CARMIL1: variants seen among roughly 807,000 people sequenced by gnomAD.
CARMIL1 encodes the protein F-actin-uncapping protein LRRC16A.
A neutral mutation model predicts 177.1 loss-of-function variants in CARMIL1; 90 were observed. That is an observed-to-expected ratio of 0.51 (90% CI 0.43 to 0.61). The LOEUF (loss-of-function observed/expected upper bound fraction) is 0.61, where lower values mean the gene tolerates loss of function less well. CARMIL1 is among the 20% of genes least tolerant of loss of function. The pLI is 0.00. For missense variants in CARMIL1, 1,380 were observed against 1,667.0 expected, an observed-to-expected ratio of 0.83 and a Z score of 3.00; for synonymous variants, 577 against 606.2, an observed-to-expected ratio of 0.95 and a Z score of 0.71.
chr6:25,451,858 A>T (rs1232229311), intron 8 of CARMIL1, among the ~76,000 whole-genome samples: 1 of 151,842 alleles, frequency 6.6e-6, no homozygotes, highest in East Asian at 1.9e-4. Context: ...AACCCAATAA[A>T]TCTTTTCTCT....
intron 2 of CARMIL1, among the ~76,000 whole-genome samples, chr6:25,415,247 C>T (rs1344939921): frequency 6.6e-6 from 1 of 152,022 alleles, no homozygotes; most frequent in East Asian, 1.9e-4. Context: ...ACTGTAACCT[C>T]GAACTCTTGG....
In CARMIL1 at chr6:25,515,585, C is replaced by A; in HGVS notation, c.1633-90C>A. 8.2e-7 allele frequency: 1 copy of A among 1,215,420 alleles called. No individual in the cohort carries two copies. The highest frequency in any genetic ancestry group is 1.1e-6 in the Non-Finnish European group (1 of 874,248). The allele number at this position is 1,215,420 out of a possible 1,614,324, so 75.3% of individuals were successfully genotyped here. A position where few individuals can be genotyped will look rare whatever the true frequency, so the allele number is the denominator to read the frequency against. ...TAAAATCAGACACGTGCAGTAGGTC[C>A]ATCCCCTCTCATTCTCCACGAAATG... On this transcript the variant is annotated intron_variant, in intron 20 of 36. Transcript: ENST00000329474. This position sits in a 1 kb window ranked among gnomAD's most constrained non-coding sequence, Gnocchi z 5.0.
intron 2 of CARMIL1, among the ~76,000 whole-genome samples, chr6:25,373,226 C>G (rs1216668938): frequency 6.8e-6 from 1 of 146,776 alleles, no homozygotes; most frequent in Non-Finnish European, 1.5e-5. Flanking sequence ...TTTTTTTTTT[C>G]TGTTATATCC....
chr6:25,459,266 C>CTTTTTTTTTT (rs769702901), intron 8 of CARMIL1, among the ~76,000 whole-genome samples: 1 of 73,754 alleles, frequency 1.4e-5, no homozygotes, highest in Non-Finnish European at 2.9e-5. Flanking sequence ...TTCTTTCTTT[C>CTTTTTTTTTT]TTTTTTTTTT....
At chr6:25,439,277 C>T (rs1797510410) in intron 5 of CARMIL1, among the ~76,000 whole-genome samples, 1 of 152,194 alleles carries the variant, frequency 6.6e-6, no homozygotes, top group Non-Finnish European at 1.5e-5. Context: ...ACCTCTCCTC[C>T]AAGCTCCACT....
At chr6:25,508,296 G>A (rs1427576625) in intron 17 of CARMIL1, among the ~76,000 whole-genome samples, 1 of 152,200 alleles carries the variant, frequency 6.6e-6, no homozygotes, top group East Asian at 1.9e-4. Flanking sequence ...CTTCAGCTGT[G>A]AAGTTGGTTT....
At chr6:25,361,380 C>T (rs1581685004) in intron 2 of CARMIL1, among the ~76,000 whole-genome samples, 2 of 152,026 alleles carry the variant, frequency 1.3e-5, no homozygotes, top group Admixed American at 1.3e-4. Context: ...TTACCTTTCC[C>T]CCCCTGCACA....
chr6:25,382,544 G>A (rs754323828), intron 2 of CARMIL1, among the ~76,000 whole-genome samples: 6 of 152,160 alleles, frequency 3.9e-5, no homozygotes, highest in Non-Finnish European at 8.8e-5. Context: ...GGCTGGGGGT[G>A]GCCAGCTTTT....
At chr6:25,615,810 G>T (rs1438283107) in intron 36 of CARMIL1, among the ~76,000 whole-genome samples, 3 of 152,074 alleles carry the variant, frequency 2.0e-5, no homozygotes, top group Non-Finnish European at 4.4e-5. Flanking sequence ...TTTTTCTCCT[G>T]GAAAATATGG....
intron 2 of CARMIL1, among the ~76,000 whole-genome samples, chr6:25,361,922 T>C (rs557129183): frequency 6.6e-6 from 1 of 151,576 alleles, no homozygotes; most frequent in East Asian, 1.9e-4. Context: ...TCCAGAACTG[T>C]AAGAAATACA....
rs762393206 is a variant in CARMIL1, at chr6:25,488,463, G to C, written c.962-19G>C. ...TTTCCTGGAGTGCAAACTGAGCCTG[G>C]ATTTTCTTGATGTTGCAGGGGTGAA... On this transcript the variant is annotated intron_variant, in intron 12 of 36. Coordinates refer to ENST00000329474, the MANE Select transcript of CARMIL1 (RefSeq NM_017640.6). 1.3e-6 allele frequency: 2 copies of C among 1,599,518 alleles called. No individual in the cohort carries two copies. Among genetic ancestry groups the C allele is most frequent in the East Asian group, 4.5e-5 (2 of 44,792 alleles).
rs551770539 is a variant in CARMIL1 at position 25,515,446 on chromosome 6, A to G, written c.1633-229A>G. Among the ~76,000 whole-genome samples, 4 of 152,242 alleles carry G rather than the reference A, an allele frequency of 2.6e-5. No individual in the cohort carries two copies. Among genetic ancestry groups the G allele is most frequent in the Admixed American group, 2.6e-4 (4 of 15,298 alleles). ...GTCTTTCCCTGGCTTCCCTTAAAAG[A>G]GAAGTGGTAGGTATTCAGCATTAAA... On this transcript the variant is annotated intron_variant, in intron 20 of 36. Coordinates refer to ENST00000329474, the MANE Select transcript of CARMIL1 (RefSeq NM_017640.6). The surrounding 1 kb of genome is among the most constrained non-coding windows in gnomAD (Gnocchi z 5.0).
intron 29 of CARMIL1, among the ~76,000 whole-genome samples, chr6:25,567,867 A>G (rs1424686151): frequency 6.6e-6 from 1 of 152,226 alleles, no homozygotes; most frequent in East Asian, 1.9e-4. Flanking sequence ...GTTAAGCTTC[A>G]TTCTTCAGCT....
chr6:25,475,679 A>T (rs1801506838), intron 11 of CARMIL1, among the ~76,000 whole-genome samples: 1 of 152,254 alleles, frequency 6.6e-6, no homozygotes, highest in South Asian at 2.1e-4. Context: ...TGAACCTCAA[A>T]AACACTGTTG....
chr6:25,554,929 C>T lies in CARMIL1; in HGVS notation c.2592+833C>T, dbSNP rs1449758169. On this transcript the variant is annotated intron_variant, in intron 28 of 36. Transcript: ENST00000329474. The surrounding 1 kb of genome is among the most constrained non-coding windows in gnomAD (Gnocchi z 4.6). ...CAGCAATAGCTTCTTCTGCGTGAAA[C>T]AGACAAAATGCATGTTTTTGAAAAA... 6.6e-6 allele frequency among the ~76,000 whole-genome samples: 1 copy of T among 152,150 alleles called. No individual in the cohort carries two copies. Among genetic ancestry groups the T allele is most frequent in the Non-Finnish European group, 1.5e-5 (1 of 68,024 alleles).
At chr6:25,617,036 A>G (rs1759320992) in intron 36 of CARMIL1, among the ~76,000 whole-genome samples, 1 of 152,214 alleles carries the variant, frequency 6.6e-6, no homozygotes, top group South Asian at 2.1e-4. Flanking sequence ...AGGTGAATAT[A>G]TTTAGAATGA....
intron 26 of CARMIL1, among the ~76,000 whole-genome samples, chr6:25,542,604 T>C (rs888250879): frequency 6.6e-6 from 1 of 152,168 alleles, no homozygotes; most frequent in African/African-American, 2.4e-5. Flanking sequence ...TCAATCCTTC[T>C]GAGTTTCAAG....
intron 2 of CARMIL1, among the ~76,000 whole-genome samples, chr6:25,325,567 A>G (rs975346430): frequency 8.5e-5 from 13 of 152,332 alleles, no homozygotes; most frequent in African/African-American, 2.4e-4. Context: ...ACAATCTTAG[A>G]AGTTTAAAAA....
intron 21 of CARMIL1, among the ~76,000 whole-genome samples, chr6:25,517,048 A>G (rs1311595821): frequency 6.6e-6 from 1 of 152,252 alleles, no homozygotes; most frequent in Non-Finnish European, 1.5e-5. Flanking sequence ...GAGAAATATC[A>G]GAATTTAGAG....
Sources: gnomAD v4.1 joint callset for allele counts (sites outside exome capture counted in the v4.1 genomes callset) on GRCh38, gnomAD v4.1.1 for gene constraint, Gnocchi (gnomAD v3.1) non-coding constraint, MANE v1.5 for transcripts, NCBI Gene and HGNC (gene_info 2026-07-23, HGNC 2026-07-21) for gene names.